Variants in CERS3 observed in about 807,000 individuals in gnomAD.
CERS3 encodes the protein ceramide synthase 3.
A neutral mutation model predicts 50.3 loss-of-function variants in CERS3; 33 were observed. That is an observed-to-expected ratio of 0.66 (90% CI 0.50 to 0.88). The LOEUF is 0.88. Ranked by LOEUF, CERS3 falls within the 40% of genes least tolerant of loss-of-function variation. The probability of loss-of-function intolerance (pLI) is 0.00; values close to 1 mark genes in which losing one functional copy is unlikely to be tolerated. For missense variants in CERS3, 470 were observed against 460.3 expected, an observed-to-expected ratio of 1.02 and a Z score of -0.19; for synonymous variants, 176 against 155.2, an observed-to-expected ratio of 1.13 and a Z score of -0.99.
chr15:100,481,476 C>G (rs541775634), intron 5 of CERS3, among the ~76,000 whole-genome samples: 5 of 152,326 alleles, frequency 3.3e-5, no homozygotes, highest in African/African-American at 1.2e-4. Flanking sequence ...ACAAAACCCA[C>G]AAAATATAGG....
At chr15:100,439,434 A>G (rs2142146327) in intron 11 of CERS3, among the ~76,000 whole-genome samples, 1 of 152,286 alleles carries the variant, frequency 6.6e-6, no homozygotes, top group South Asian at 2.1e-4. Context: ...TTACTTACTG[A>G]GAGTTTTCCA....
At chr15:100,540,220 C>G (rs529007723) in intron 1 of CERS3, among the ~76,000 whole-genome samples, 2 of 152,306 alleles carry the variant, frequency 1.3e-5, no homozygotes, top group South Asian at 4.1e-4. Flanking sequence ...CAAGTCCCAT[C>G]CCTTTCCTCT....
rs1472114732 is a variant in CERS3, at chr15:100,484,603, C to T, written c.354G>A (p.Arg118=). ...LTERQVERWF[R]SRRNQERPSR... is the part of the protein sequence containing the mutation. ...AAGGCCTCTCTTGATTCCGCCGACT[C>T]CTAAACCATCTTTCCACCTGGCGCT... Residue 118 remains arginine (R), a synonymous_variant, in exon 5 of 12, where the codon AGG becomes AGA. Transcript: ENST00000679737. The T allele has an allele frequency of 6.2e-7, 1 of 1,614,196 alleles. No homozygotes were observed.
At chr15:100,448,406 G>A (rs967554034) in intron 11 of CERS3, among the ~76,000 whole-genome samples, 1 of 152,200 alleles carries the variant, frequency 6.6e-6, no homozygotes, top group Admixed American at 6.5e-5. Context: ...TGGGAAAAGG[G>A]TAAGTAAGAG....
At chr15:100,540,220 C>T (rs529007723) in intron 1 of CERS3, among the ~76,000 whole-genome samples, 9 of 152,306 alleles carry the variant, frequency 5.9e-5, no homozygotes, top group Middle Eastern at 3.4e-3. Flanking sequence ...CAAGTCCCAT[C>T]CCTTTCCTCT....
At chr15:100,499,948 T>C (rs1173733749) in intron 3 of CERS3, among the ~76,000 whole-genome samples, 1 of 152,184 alleles carries the variant, frequency 6.6e-6, no homozygotes, top group Non-Finnish European at 1.5e-5. Flanking sequence ...GGCCAGGTCA[T>C]TTACCTCTCA....
intron 2 of CERS3, among the ~76,000 whole-genome samples, chr15:100,515,177 T>C (rs144886306): frequency 0.011 from 1,700 of 152,348 alleles, 54 homozygotes; most frequent in Admixed American, 0.062. Flanking sequence ...ACAGATAATA[T>C]GTGGATTAAA....
At chr15:100,416,834 G>C (rs766259993) in intron 11 of CERS3, among the ~76,000 whole-genome samples, 5 of 152,106 alleles carry the variant, frequency 3.3e-5, no homozygotes, top group Non-Finnish European at 7.3e-5. Flanking sequence ...AATCTGAAAA[G>C]GGTCTAATAT....
intron 11 of CERS3, among the ~76,000 whole-genome samples, chr15:100,426,344 A>G (rs2032811534): frequency 6.6e-6 from 1 of 152,236 alleles, no homozygotes; most frequent in Non-Finnish European, 1.5e-5. Flanking sequence ...ATAATGAGTG[A>G]AAAAAGCTAC....
At chr15:100,494,061 C>T (rs181636425) in intron 3 of CERS3, among the ~76,000 whole-genome samples, 60 of 151,478 alleles carry the variant, frequency 4.0e-4, no homozygotes, top group Admixed American at 2.1e-3. Context: ...TTGTTTCTTT[C>T]CATGTCTCAT....
intron 11 of CERS3, among the ~76,000 whole-genome samples, chr15:100,434,478 T>C (rs957560472): frequency 2.0e-5 from 3 of 152,230 alleles, no homozygotes; most frequent in African/African-American, 2.4e-5. Context: ...ATGAAAATGT[T>C]TGAAAAACTA....
chr15:100,413,798 T>G (rs1299396138), intron 11 of CERS3, among the ~76,000 whole-genome samples: 3 of 147,250 alleles, frequency 2.0e-5, no homozygotes, highest in Admixed American at 1.3e-4. Flanking sequence ...CCTTACAGAC[T>G]ATTATAAACA....
chr15:100,497,888 CACACA>C (rs1442241988), intron 3 of CERS3, among the ~76,000 whole-genome samples: 2 of 67,088 alleles, frequency 3.0e-5, no homozygotes, highest in African/African-American at 6.3e-5. Flanking sequence ...CACACACACA[CACACA>C]CACTTTTTTT....
In CERS3 at chr15:100,437,037, G is replaced by A. The variant is rs149039388; in HGVS notation, c.999+18856C>T. ...CCACTCACTGCAAGCTCCGCCTCCT[G>A]GGTTCATGCCATTCTCCTGCCTTGG... On this transcript the variant is annotated intron_variant, in intron 11 of 11. Transcript: ENST00000679737. Among the ~76,000 whole-genome samples, 595 of 150,608 alleles carry A rather than the reference G, an allele frequency of 4.0e-3. 5 individuals are homozygous for A. Among genetic ancestry groups the A allele is most frequent in the East Asian group, 0.017 (85 of 5,090 alleles).
At chr15:100,489,723 A>T (rs1453911271) in intron 4 of CERS3, among the ~76,000 whole-genome samples, 1 of 152,230 alleles carries the variant, frequency 6.6e-6, no homozygotes, top group Non-Finnish European at 1.5e-5. Flanking sequence ...ATTTAGATGA[A>T]TGATGGCAGT....
At chr15:100,439,875 CT>C (rs1024901846) in intron 11 of CERS3, among the ~76,000 whole-genome samples, 1 of 152,188 alleles carries the variant, frequency 6.6e-6, no homozygotes, top group Non-Finnish European at 1.5e-5. Context: ...TTGGAAACAG[CT>C]TCTCCAAAGG....
intron 11 of CERS3, among the ~76,000 whole-genome samples, chr15:100,454,668 A>G (rs1284093937): frequency 6.6e-6 from 1 of 152,184 alleles, no homozygotes; most frequent in African/African-American, 2.4e-5. Flanking sequence ...CAAAGATTCA[A>G]TGGCTAAGAC....
chr15:100,414,289 C>G (rs2031722030), intron 11 of CERS3, among the ~76,000 whole-genome samples: 1 of 152,148 alleles, frequency 6.6e-6, no homozygotes, highest in Non-Finnish European at 1.5e-5. Context: ...AAAACACAAA[C>G]AAATGGAAAA....
chr15:100,476,275 C>G, intron 7 of CERS3, 97 bp from the exon 8 acceptor site: 1 of 607,156 alleles, frequency 1.6e-6, no homozygotes, highest in Non-Finnish European at 2.8e-6. Context: ...TTATATCCCA[C>G]CAGATTCCAT....
Sources: gnomAD v4.1 joint callset for allele counts (sites outside exome capture counted in the v4.1 genomes callset) on GRCh38, gnomAD v4.1.1 for gene constraint, MANE v1.5 for transcripts, NCBI Gene and HGNC (gene_info 2026-07-23, HGNC 2026-07-21) for gene names.